DUSP13B: variants seen among roughly 807,000 people sequenced by gnomAD.
The protein encoded by DUSP13B is dual specificity protein phosphatase 13B.
At chr10:75,102,204 C>T in the DUSP13B span, among the ~76,000 whole-genome samples, 2 of 152,134 alleles carry the variant, frequency 1.3e-5, no homozygotes, top group Non-Finnish European at 2.9e-5. Flanking sequence ...GGGCCGGGCG[C>T]GGTGGCTGAA....
At chr10:75,097,805 G>A in the DUSP13B span, 1 of 1,613,996 alleles carries the variant, frequency 6.2e-7, no homozygotes, top group Non-Finnish European at 8.5e-7. Context: ...CGAAGCCAAT[G>A]TGGGCGGCTG....
chr10:75,108,278 C>T, the DUSP13B span: 3 of 1,523,140 alleles, frequency 2.0e-6, no homozygotes, highest in African/African-American at 4.1e-5. Context: ...TGTGCCTGGC[C>T]CCCTGCTGCA....
At chr10:75,105,564 A>T in the DUSP13B span, 151 of 1,228,258 alleles carry the variant, frequency 1.2e-4, no homozygotes, top group Non-Finnish European at 1.7e-4. Flanking sequence ...AGCCCTGCCA[A>T]CCAATCCTGG....
the DUSP13B span, chr10:75,101,763 C>A: frequency 1.3e-6 from 1 of 773,638 alleles, no homozygotes; most frequent in Non-Finnish European, 2.0e-6. Context: ...CTACCCAACC[C>A]AAACCCCACC....
At chr10:75,104,188 TA>T in the DUSP13B span, 1,247 of 899,582 alleles carry the variant, frequency 1.4e-3, 2 homozygotes, top group Non-Finnish European at 1.8e-3. Flanking sequence ...AGCTGTCACC[TA>T]AACCTGCTTC....
At chr10:75,106,706 G>A in the DUSP13B span, among the ~76,000 whole-genome samples, 3 of 152,222 alleles carry the variant, frequency 2.0e-5, no homozygotes, top group African/African-American at 7.2e-5. Context: ...AGTTCCAAGA[G>A]GGCAGGGATC....
the DUSP13B span, among the ~76,000 whole-genome samples, chr10:75,097,192 C>T: frequency 5.1e-4 from 77 of 151,902 alleles, no homozygotes; most frequent in African/African-American, 1.8e-3. Flanking sequence ...GTGCTCTGTG[C>T]ACATTTCCTT....
At chr10:75,097,726 G>A in the DUSP13B span, 6 of 1,582,378 alleles carry the variant, frequency 3.8e-6, no homozygotes, top group Middle Eastern at 1.7e-4. Context: ...CTCCCAGGAA[G>A]AGGCTGGGCC....
chr10:75,105,918 C>A, the DUSP13B span: 1 of 1,519,490 alleles, frequency 6.6e-7, no homozygotes, highest in South Asian at 1.2e-5. Flanking sequence ...CCGGCCCACC[C>A]ACGGGCTGGG....
the DUSP13B span, chr10:75,105,705 C>G: frequency 9.7e-6 from 15 of 1,551,966 alleles, no homozygotes; most frequent in Non-Finnish European, 1.3e-5. Flanking sequence ...GCTGGTCCAG[C>G]CTGCAGAGCT....
At chr10:75,094,684 G>A in the DUSP13B span, 28 of 1,613,632 alleles carry the variant, frequency 1.7e-5, 1 homozygote, top group Middle Eastern at 3.4e-4. Flanking sequence ...GATCAGAACC[G>A]CCCCGTCTCC....
the DUSP13B span, chr10:75,104,223 T>G: frequency 5.7e-6 from 3 of 530,148 alleles, no homozygotes; most frequent in Non-Finnish European, 9.1e-6. Flanking sequence ...GTGCATAAGG[T>G]CAAGTGAGTG....
chr10:75,102,134 C>T, the DUSP13B span, among the ~76,000 whole-genome samples: 1 of 152,256 alleles, frequency 6.6e-6, no homozygotes, highest in African/African-American at 2.4e-5. Flanking sequence ...AGAATCAAGG[C>T]AGCTCAGCCC....
chr10:75,107,912 G>T, the DUSP13B span: 1 of 1,436,786 alleles, frequency 7.0e-7, no homozygotes, highest in Non-Finnish European at 9.5e-7. Flanking sequence ...GGATGGGAGG[G>T]CACTGATGAC....
the DUSP13B span, chr10:75,095,684 C>T: frequency 6.2e-7 from 1 of 1,614,238 alleles, no homozygotes; most frequent in Non-Finnish European, 8.5e-7. Flanking sequence ...ACTCCAGGGA[C>T]ATTCCACGGT....
At chr10:75,108,933 C>T in the DUSP13B span, 3 of 1,523,504 alleles carry the variant, frequency 2.0e-6, no homozygotes, top group Non-Finnish European at 2.7e-6. Context: ...TTTCCACCCT[C>T]CTGTGTCTGG....
the DUSP13B span, among the ~76,000 whole-genome samples, chr10:75,101,217 A>G: frequency 1.3e-5 from 2 of 152,134 alleles, no homozygotes; most frequent in African/African-American, 4.8e-5. Flanking sequence ...ACTTGCAGCT[A>G]TGTGGTCTTG....
chr10:75,094,730 G>A, the DUSP13B span: 3 of 1,614,164 alleles, frequency 1.9e-6, no homozygotes, highest in Non-Finnish European at 2.5e-6. Flanking sequence ...GGAGCTGCCG[G>A]AGGAAGCCTG....
the DUSP13B span, among the ~76,000 whole-genome samples, chr10:75,099,952 A>G: frequency 1.3e-5 from 2 of 152,126 alleles, no homozygotes; most frequent in Non-Finnish European, 2.9e-5. Flanking sequence ...AGGGCAGTGT[A>G]GTGTGGTGGA....
Sources: gnomAD v4.1 joint callset for allele counts (sites outside exome capture counted in the v4.1 genomes callset) on GRCh38, gnomAD v4.1.1 for gene constraint, MANE v1.5 for transcripts, NCBI Gene and HGNC (gene_info 2026-07-23, HGNC 2026-07-21) for gene names.